Variants in CCNB3 observed in about 807,000 individuals in gnomAD.
The protein encoded by CCNB3 is cyclin B3.
CCNB3 carries 12 observed loss-of-function variants against 68.0 expected under a neutral mutation model. The ratio of observed to expected loss-of-function variants is 0.18; its 90% CI spans 0.11 to 0.29. CCNB3 has a LOEUF of 0.29. Ranked by LOEUF, CCNB3 falls within the 10% of genes least tolerant of loss-of-function variation. The probability of loss-of-function intolerance (pLI) is 1.00; values close to 1 mark genes in which losing one functional copy is unlikely to be tolerated. For missense variants in CCNB3, 904 were observed against 993.1 expected (o/e 0.91, Z 1.21); for synonymous variants, 354 against 388.9 (o/e 0.91, Z 1.06).
chrX:50,351,452 A>G, intron 12 of CCNB3, 81 bp downstream of exon 12: 2 of 1,127,610 alleles, frequency 1.8e-6, no homozygotes, highest in Non-Finnish European at 2.4e-6. Context: ...GACTAGCCTC[A>G]CTTAAGAGAA....
At chrX:50,336,980 G>A (rs1289121121) in intron 8 of CCNB3, among the ~76,000 whole-genome samples, 2 of 111,605 alleles carry the variant, frequency 1.8e-5, no homozygotes, top group Admixed American at 1.9e-4. Flanking sequence ...TAAAGCTTGA[G>A]GCTTTTCGGT....
intron 5 of CCNB3, among the ~76,000 whole-genome samples, chrX:50,299,783 T>G: frequency 9.0e-6 from 1 of 111,466 alleles, no homozygotes; most frequent in Non-Finnish European, 1.9e-5. Flanking sequence ...TCTTTGTAGG[T>G]CACTAAGGAC....
intron 8 of CCNB3, among the ~76,000 whole-genome samples, chrX:50,315,158 A>T (rs951770745): frequency 8.1e-5 from 9 of 111,340 alleles, no homozygotes; most frequent in Non-Finnish European, 1.3e-4. Context: ...TTAGGGGTGC[A>T]TCTCAGAATC....
Position 50,311,156 on chromosome X carries a change from G to T in CCNB3, c.2987G>T (p.Ser996Ile). The T allele has an allele frequency of 8.3e-7, 1 of 1,207,591 alleles. No homozygotes were observed. The highest frequency in any genetic ancestry group is 1.1e-6 in the Non-Finnish European group (1 of 894,644). ...AAGTCCAGCATTGCTACCATGACCAGTGTGGGCAAATCTGGTACCATCAAT... is the reference window on the plus strand; with the variant it reads ...AAGTCCAGCATTGCTACCATGACCATTGTGGGCAAATCTGGTACCATCAAT... ...TSKSSIATMT[S>I]VGKSGTINEA... The change falls in exon 6 of 13, where the codon AGT becomes ATT. Residue 996 changes from serine to isoleucine, a missense_variant. Coordinates refer to ENST00000376042, the MANE Select transcript of CCNB3 (RefSeq NM_033031.3).
intron 8 of CCNB3, among the ~76,000 whole-genome samples, chrX:50,325,032 TATA>T (rs1384112272): frequency 9.0e-6 from 1 of 111,589 alleles, no homozygotes; most frequent in Non-Finnish European, 1.9e-5. Flanking sequence ...TGGTTTCAGG[TATA>T]ATAAGTTTGT....
chrX:50,223,561 C>G (rs1216699585), intron 1 of CCNB3, among the ~76,000 whole-genome samples: 1 of 110,985 alleles, frequency 9.0e-6, no homozygotes, highest in Non-Finnish European at 1.9e-5. Context: ...GAGTTCCACT[C>G]CAGACCCTGT....
At chrX:50,302,873 T>A (rs1557212950) in intron 5 of CCNB3, among the ~76,000 whole-genome samples, 1 of 112,262 alleles carries the variant, frequency 8.9e-6, no homozygotes, top group Non-Finnish European at 1.9e-5. Context: ...GATAGATATT[T>A]GCATTGTTTC....
intron 5 of CCNB3, among the ~76,000 whole-genome samples, chrX:50,306,291 A>G (rs1305910617): frequency 9.0e-6 from 1 of 111,402 alleles, no homozygotes; most frequent in Admixed American, 9.6e-5. Context: ...CATTGCAAGT[A>G]TACAGAAAGA....
At chrX:50,302,436 G>A (rs1302127387) in intron 5 of CCNB3, among the ~76,000 whole-genome samples, 1 of 111,929 alleles carries the variant, frequency 8.9e-6, no homozygotes, top group Non-Finnish European at 1.9e-5. Flanking sequence ...TAATCATTAA[G>A]TCTTTATTTT....
intron 8 of CCNB3, among the ~76,000 whole-genome samples, chrX:50,327,211 G>A (rs1333820341): frequency 8.9e-6 from 1 of 111,983 alleles, no homozygotes; most frequent in East Asian, 2.8e-4. Context: ...GATGCTGAGA[G>A]GGCTGAAAAC....
Position 50,308,712 on chromosome X carries a change from C to T in CCNB3, c.543C>T (p.Cys181=). ...ATAAGTCATTATCTTTAAAAAAGTG[C>T]TCAAATCATGAGGAGGTGTCCTTAC... is the stretch of plus-strand genomic sequence containing the variant. ...LINKSLSLKK[C]SNHEEVSLLE... is the part of the protein sequence containing the mutation. Residue 181 remains cysteine (C), a synonymous_variant, in exon 6 of 13, where the codon TGC becomes TGT. Coordinates refer to ENST00000376042, the MANE Select transcript of CCNB3 (RefSeq NM_033031.3). The T allele has an allele frequency of 8.3e-7, 1 of 1,210,683 alleles. No homozygotes were observed.
rs782816751 is a variant in CCNB3, at chrX:50,301,036, AT to A, written c.335+6053del. Among the ~76,000 whole-genome samples, 48 of 102,323 alleles carry A rather than the reference AT, an allele frequency of 4.7e-4. 1 individual carries two copies. Among genetic ancestry groups the A allele is most frequent in the African/African-American group, 1.0e-3 (28 of 28,121 alleles). The allele number at this position is 102,323 out of a possible 115,157, so 88.9% of individuals were successfully genotyped here. ...GGTTATTCTAGTTAGCCATTCGTCT[AT>A]TTTTTTTTTCAAAGTTTTTAACTTC... is the stretch of plus-strand genomic sequence containing the variant. On this transcript the variant is annotated intron_variant, in intron 5 of 12. Coordinates refer to ENST00000376042, the MANE Select transcript of CCNB3 (RefSeq NM_033031.3).
rs1198779084 is a variant in CCNB3, at chrX:50,226,097, A to T, written c.-113+21147A>T. ...ATATATAGAATATATATGAATATAT[A>T]TAGAATATGTATAAATATATATATA... On this transcript the variant is annotated intron_variant, in intron 1 of 12. Transcript: ENST00000376042. Among the ~76,000 whole-genome samples the T allele has an allele frequency of 1.8e-4, 15 of 84,029 alleles. No individual in the cohort carries two copies. The Admixed American group carries it at 2.2e-3, about 12-fold the overall frequency. The allele number at this position is 84,029 out of a possible 115,157, so 73.0% of individuals were successfully genotyped here. A position where few individuals can be genotyped will look rare whatever the true frequency, so the allele number is the denominator to read the frequency against.
At chrX:50,351,484 C>A in intron 12 of CCNB3, 113 bp downstream of exon 12, 1 of 1,065,918 alleles carries the variant, frequency 9.4e-7, no homozygotes, top group Non-Finnish European at 1.3e-6. Context: ...CACTTTTCAC[C>A]TTCCTTTCTA....
intron 5 of CCNB3, 87 bp from the exon 6 acceptor site, chrX:50,308,418 C>T: frequency 1.6e-6 from 1 of 629,104 alleles, no homozygotes; most frequent in Non-Finnish European, 2.4e-6. Flanking sequence ...CCTTTCATAC[C>T]TTTAGTAAAT....
At chrX:50,291,420 C>T (rs1204503982) in intron 4 of CCNB3, among the ~76,000 whole-genome samples, 3 of 111,409 alleles carry the variant, frequency 2.7e-5, no homozygotes, top group Admixed American at 1.9e-4. Flanking sequence ...TGCCACCATG[C>T]CCAGCTAATT....
At chrX:50,306,611 T>C (rs1225641100) in intron 5 of CCNB3, among the ~76,000 whole-genome samples, 2 of 111,969 alleles carry the variant, frequency 1.8e-5, no homozygotes, top group Non-Finnish European at 3.8e-5. Flanking sequence ...GGTTTTTTTG[T>C]AGATGCCCTT....
rs1557221219 is a variant in CCNB3 at position 50,351,682 on chromosome X, G to A, written c.4167G>A (p.Glu1389=). ...AGGAGATTTTGAACTGTGATTGTGA[G>A]GCTCAGGGCCTGGTACTCTAGCAGC... is the stretch of plus-strand genomic sequence containing the variant. ...KLEEILNCDC[E]AQGLVL Residue 1389 remains glutamate (E), a synonymous_variant, in exon 13 of 13, where the codon GAG becomes GAA. Transcript: ENST00000376042. 8.3e-7 allele frequency: 1 copy of A among 1,208,441 alleles called. No individual in the cohort carries two copies. Among genetic ancestry groups the A allele is most frequent in the East Asian group, 3.0e-5 (1 of 33,737 alleles).
chrX:50,307,214 C>A (rs1479530896), intron 5 of CCNB3, among the ~76,000 whole-genome samples: 2 of 111,674 alleles, frequency 1.8e-5, no homozygotes, highest in South Asian at 7.6e-4. Context: ...CATTTCATCT[C>A]AATTATCTAA....
Sources: allele counts gnomAD v4.1 joint callset (sites outside exome capture counted in the v4.1 genomes callset), GRCh38; gene constraint gnomAD v4.1.1; transcripts MANE v1.5; gene names NCBI Gene and HGNC (gene_info 2026-07-23, HGNC 2026-07-21).